The following RARB variants were observed in gnomAD, a reference collection of about 807,000 sequenced individuals.
The protein encoded by RARB is retinoic acid receptor beta, also known as HBV-activated protein.
Under a neutral mutation model 51.9 loss-of-function variants are expected in RARB, and 17 were observed. That is an observed-to-expected ratio of 0.33 (90% CI 0.22 to 0.49). RARB has a LOEUF of 0.49. Among genes scored for constraint, RARB ranks in the 20% least tolerant of loss-of-function variants. The probability of loss-of-function intolerance (pLI) is 0.99; values close to 1 mark genes in which losing one functional copy is unlikely to be tolerated. For synonymous variants in RARB, 215 were observed against 195.4 expected (o/e 1.10, Z -0.84); for missense variants, 369 against 550.8 (o/e 0.67, Z 3.30).
At chr3:25,338,974 A>G (rs1430523029) in intron 5 of RARB, among the ~76,000 whole-genome samples, 1 of 152,098 alleles carries the variant, frequency 6.6e-6, no homozygotes, top group Admixed American at 6.6e-5. Flanking sequence ...AGTGCTCACT[A>G]CTTTCCATAT....
chr3:25,145,363 A>C (rs1209196511), intron 4 of RARB, among the ~76,000 whole-genome samples: 1 of 152,158 alleles, frequency 6.6e-6, no homozygotes, highest in African/African-American at 2.4e-5. Flanking sequence ...GAACATATTG[A>C]ATATATCACA....
At chr3:25,488,619 G>A (rs1696582704) in intron 2 of RARB, among the ~76,000 whole-genome samples, 1 of 152,194 alleles carries the variant, frequency 6.6e-6, no homozygotes, top group Admixed American at 6.5e-5. Flanking sequence ...ACCACCATCC[G>A]TTAACAAGCC....
rs1697546211 is a variant in RARB, at chr3:25,505,656, G to C, written c.448+4333G>C. On this transcript the variant is annotated intron_variant, in intron 3 of 7. Coordinates refer to ENST00000330688, the MANE Select transcript of RARB (RefSeq NM_000965.5). ...AGAAACAGCTGTCTGTCAAAGCATA[G>C]AATAATGGCAAGTGAAAAAAAAACT... 2.0e-5 allele frequency among the ~76,000 whole-genome samples: 3 copies of C among 151,068 alleles called. No homozygotes were observed. The South Asian group carries it at 6.3e-4, about 31-fold the overall frequency.
At chr3:25,043,144 T>C (rs868646783) in intron 2 of RARB, among the ~76,000 whole-genome samples, 2 of 152,202 alleles carry the variant, frequency 1.3e-5, no homozygotes, top group Non-Finnish European at 2.9e-5. Context: ...ACCTGATCAC[T>C]TTCTCTTTCA....
intron 1 of RARB, among the ~76,000 whole-genome samples, chr3:24,832,628 AATATATATATATATAT>A (rs10526610): frequency 1.1e-5 from 1 of 88,456 alleles, no homozygotes; most frequent in African/African-American, 4.6e-5. Flanking sequence ...ATTGAGTCCC[AATATATATATATATAT>A]ATATATAATG....
At chr3:25,153,467 T>C (rs185754653) in intron 4 of RARB, among the ~76,000 whole-genome samples, 1 of 149,972 alleles carries the variant, frequency 6.7e-6, no homozygotes, top group African/African-American at 2.4e-5. Context: ...TTTGTACGAC[T>C]TCTGCTGTTA....
intron 2 of RARB, among the ~76,000 whole-genome samples, chr3:25,488,031 A>G (rs1319669594): frequency 6.6e-6 from 1 of 152,330 alleles, no homozygotes; most frequent in East Asian, 1.9e-4. Context: ...GGAGGGATTT[A>G]TTCAGCTGCT....
At chr3:25,135,196 A>G (rs981660599) in intron 4 of RARB, among the ~76,000 whole-genome samples, 2 of 151,884 alleles carry the variant, frequency 1.3e-5, no homozygotes, top group African/African-American at 4.8e-5. Context: ...AGGTGTGGCT[A>G]TTGAGCGCTC....
chr3:25,106,597 C>A (rs1427625951), intron 3 of RARB, among the ~76,000 whole-genome samples: 2 of 151,434 alleles, frequency 1.3e-5, no homozygotes, highest in Non-Finnish European at 1.5e-5. Context: ...GCCCATGGCA[C>A]CTGGCTCATT....
chr3:25,277,986 T>C (rs916294925), intron 5 of RARB, among the ~76,000 whole-genome samples: 1 of 152,244 alleles, frequency 6.6e-6, no homozygotes, highest in Non-Finnish European at 1.5e-5. Context: ...TCTTCTTTCA[T>C]TCGATGTAAT....
intron 5 of RARB, among the ~76,000 whole-genome samples, chr3:25,340,155 A>G (rs1450396930): frequency 1.3e-5 from 2 of 152,164 alleles, no homozygotes; most frequent in African/African-American, 4.8e-5. Flanking sequence ...TTCAAGAAGA[A>G]TGAGGAGTTT....
intron 2 of RARB, among the ~76,000 whole-genome samples, chr3:24,999,508 A>G (rs1255390947): frequency 2.0e-5 from 3 of 152,122 alleles, no homozygotes; most frequent in Non-Finnish European, 4.4e-5. Flanking sequence ...GCCTACCAAT[A>G]CATACTTTTG....
chr3:25,148,493 C>A (rs938429446), intron 4 of RARB, among the ~76,000 whole-genome samples: 1 of 152,162 alleles, frequency 6.6e-6, no homozygotes, highest in African/African-American at 2.4e-5. Context: ...GCTTTCTCTA[C>A]TGGATCTTCT....
intron 1 of RARB, among the ~76,000 whole-genome samples, chr3:25,455,434 T>G (rs1436540652): frequency 6.6e-6 from 1 of 152,160 alleles, no homozygotes; most frequent in Non-Finnish European, 1.5e-5. Context: ...AGGCCACACT[T>G]TGAGGAACAT....
intron 5 of RARB, among the ~76,000 whole-genome samples, chr3:25,197,530 G>T (rs1474048704): frequency 6.6e-6 from 1 of 151,914 alleles, no homozygotes; most frequent in Non-Finnish European, 1.5e-5. Flanking sequence ...CATCATCTTA[G>T]ATTTGGAAAA....
chr3:25,056,958 G>T (rs1698453631), intron 2 of RARB, among the ~76,000 whole-genome samples: 1 of 152,010 alleles, frequency 6.6e-6, no homozygotes, highest in Non-Finnish European at 1.5e-5. Flanking sequence ...TAAACCATAT[G>T]GTTAGTGTAT....
intron 1 of RARB, among the ~76,000 whole-genome samples, chr3:25,430,600 T>C (rs1250824819): frequency 6.6e-6 from 1 of 152,222 alleles, no homozygotes; most frequent in Admixed American, 6.5e-5. Context: ...CTTTGTTTGT[T>C]CTTGGACAAG....
Position 25,081,586 on chromosome 3 carries a change from CATATAT to C in RARB, c.-328+21441_-328+21446del, listed in dbSNP as rs1161956011. ...CTTTTGCTAGTGTTTGCTTCATATA[CATATAT>C]ATATATATATATATATATATATATA... On this transcript the variant is annotated intron_variant, in intron 3 of 11. Transcript: ENST00000383772. Among the ~76,000 whole-genome samples, 142 of 19,632 alleles carry C rather than the reference CATATAT, an allele frequency of 7.2e-3. 7 individuals carry two copies. Among genetic ancestry groups the C allele is most frequent in the African/African-American group, 0.025 (120 of 4,752 alleles). The allele number at this position is 19,632 out of a possible 152,430, so 12.9% of individuals were successfully genotyped here.
chr3:24,883,559 C>G (rs1403095130), intron 2 of RARB, among the ~76,000 whole-genome samples: 1 of 152,086 alleles, frequency 6.6e-6, no homozygotes, highest in African/African-American at 2.4e-5. Flanking sequence ...TGCAAAAAAT[C>G]ATCAAACCAT....
Sources: gnomAD v4.1 joint callset for allele counts (sites outside exome capture counted in the v4.1 genomes callset) on GRCh38, gnomAD v4.1.1 for gene constraint, MANE v1.5 for transcripts, NCBI Gene and HGNC (gene_info 2026-07-23, HGNC 2026-07-21) for gene names.